The following KLF12 variants were observed in gnomAD, a reference collection of about 807,000 sequenced individuals.
KLF12 encodes KLF transcription factor 12, also known as Krueppel-like factor 12.
A neutral mutation model predicts 37.8 loss-of-function variants in KLF12; 9 were observed. The ratio of observed to expected loss-of-function variants is 0.24; its 90% CI spans 0.14 to 0.42. KLF12 has a LOEUF of 0.42. KLF12 is among the 10% of genes least tolerant of loss of function. The pLI, the probability that KLF12 is intolerant of heterozygous loss-of-function variation, is 1.00. For synonymous variants in KLF12, 208 were observed against 202.1 expected, an observed-to-expected ratio of 1.03 and a Z score of -0.25; for missense variants, 411 against 516.0, an observed-to-expected ratio of 0.80 and a Z score of 1.97.
At chr13:74,275,859 TTTCTTTCTATCTTTCTTTC>T in the KLF12 span, among the ~76,000 whole-genome samples, 203 of 123,144 alleles carry the variant, frequency 1.6e-3, 1 homozygote, top group Non-Finnish European at 2.5e-3. Flanking sequence ...TCTTTCTTTC[TTTCTTTCTATCTTTCTTTC>T]TTCTTTCTTT....
chr13:74,203,876 C>G, the KLF12 span, among the ~76,000 whole-genome samples: 1 of 152,002 alleles, frequency 6.6e-6, no homozygotes, highest in Admixed American at 6.6e-5. Context: ...ATGTGGTCCC[C>G]CAAGACTCTG....
At chr13:74,018,098 T>TA (rs1892746938) in intron 1 of KLF12, among the ~76,000 whole-genome samples, 2 of 151,130 alleles carry the variant, frequency 1.3e-5, no homozygotes, top group African/African-American at 2.4e-5. Flanking sequence ...TTTTTTTTTT[T>TA]ACTTAAAAAA....
chr13:74,137,157 T>A (rs572928219), upstream of KLF12, among the ~76,000 whole-genome samples: 1 of 152,280 alleles, frequency 6.6e-6, no homozygotes, highest in African/African-American at 2.4e-5. Context: ...TTGGCAAAGG[T>A]GCGGATTTTT....
At chr13:74,009,076 G>A (rs1566502502) in intron 1 of KLF12, among the ~76,000 whole-genome samples, 1 of 152,262 alleles carries the variant, frequency 6.6e-6, no homozygotes, top group East Asian at 1.9e-4. Context: ...ATGGATTTGT[G>A]GCCTTGAGGA....
the KLF12 span, among the ~76,000 whole-genome samples, chr13:74,276,592 C>A: frequency 1.3e-5 from 2 of 152,018 alleles, no homozygotes; most frequent in African/African-American, 4.8e-5. Context: ...TTTGAAGATA[C>A]CTTAATATTT....
intron 7 of KLF12, among the ~76,000 whole-genome samples, chr13:73,706,054 A>G (rs1874916164): frequency 6.6e-6 from 1 of 152,184 alleles, no homozygotes; most frequent in Non-Finnish European, 1.5e-5. Flanking sequence ...TGGGAGGCTG[A>G]GGCAGGAGAA....
chr13:74,204,585 C>G, the KLF12 span, among the ~76,000 whole-genome samples: 1 of 152,228 alleles, frequency 6.6e-6, no homozygotes, highest in Admixed American at 6.5e-5. Context: ...TTTTAGGAGT[C>G]TTGCCCAATT....
chr13:73,742,288 T>C (rs1878058372), intron 6 of KLF12, among the ~76,000 whole-genome samples: 1 of 152,210 alleles, frequency 6.6e-6, no homozygotes, highest in Admixed American at 6.5e-5. Flanking sequence ...CAGAAAATTG[T>C]AAGAACTGAA....
intron 6 of KLF12, among the ~76,000 whole-genome samples, chr13:73,746,358 T>C (rs1192939427): frequency 6.6e-6 from 1 of 152,206 alleles, no homozygotes; most frequent in Non-Finnish European, 1.5e-5. Flanking sequence ...AAGACCAACC[T>C]GTGACAAAGA....
chr13:74,119,724 C>G (rs1351180671), intron 1 of KLF12, among the ~76,000 whole-genome samples: 1 of 151,880 alleles, frequency 6.6e-6, no homozygotes, highest in Non-Finnish European at 1.5e-5. Flanking sequence ...ACCAAGTAGT[C>G]TAATGCGCTT....
At chr13:73,878,857 G>T (rs1449486279) in intron 3 of KLF12, among the ~76,000 whole-genome samples, 10 of 152,178 alleles carry the variant, frequency 6.6e-5, no homozygotes. Flanking sequence ...TGGGAGGCCA[G>T]GGGAGGTGTG....
intron 2 of KLF12, 84 bp downstream of exon 2, chr13:73,994,906 G>T: frequency 2.3e-6 from 2 of 856,678 alleles, no homozygotes; most frequent in Non-Finnish European, 2.0e-6. Context: ...ACACAAGAAG[G>T]TACTCTAATG....
intron 3 of KLF12, among the ~76,000 whole-genome samples, chr13:73,857,106 G>A (rs1180249900): frequency 1.3e-5 from 2 of 152,184 alleles, no homozygotes; most frequent in Admixed American, 6.5e-5. Context: ...CCCATGGAAT[G>A]ATCTCACAAT....
chr13:74,237,744 G>T, the KLF12 span, among the ~76,000 whole-genome samples: 4,849 of 142,684 alleles, frequency 0.034, no homozygotes, highest in African/African-American at 0.06. Context: ...CTCTCTGTTT[G>T]TCTGTTGGTG....
At chr13:73,717,102 T>G (rs529304516) in intron 6 of KLF12, among the ~76,000 whole-genome samples, 1 of 152,356 alleles carries the variant, frequency 6.6e-6, no homozygotes, top group South Asian at 2.1e-4. Flanking sequence ...ATTCTGCAAC[T>G]GTATCATGAA....
intron 5 of KLF12, among the ~76,000 whole-genome samples, chr13:73,770,901 G>A (rs1004824247): frequency 1.3e-5 from 2 of 152,136 alleles, no homozygotes; most frequent in Non-Finnish European, 2.9e-5. Context: ...AAGTTAAACT[G>A]TGCTAAAAAT....
chr13:74,129,732 T>C (rs1455277747), intron 1 of KLF12, among the ~76,000 whole-genome samples: 3 of 150,340 alleles, frequency 2.0e-5, no homozygotes, highest in Admixed American at 2.0e-4. Context: ...CAGAGCAGAA[T>C]TCTTTGGGTG....
At chr13:74,231,894 T>A in the KLF12 span, 40 of 152,202 alleles carry the variant, frequency 2.6e-4, no homozygotes, top group African/African-American at 9.4e-4. Context: ...GTTTTTATTA[T>A]CATGTTAGGT....
intron 1 of KLF12, among the ~76,000 whole-genome samples, chr13:74,099,766 C>T (rs1289777953): frequency 6.6e-6 from 1 of 152,128 alleles, no homozygotes; most frequent in African/African-American, 2.4e-5. Flanking sequence ...GAGGTGAAGA[C>T]CATGTCTATC....
Sources: allele counts gnomAD v4.1 joint callset (sites outside exome capture counted in the v4.1 genomes callset), GRCh38; gene constraint gnomAD v4.1.1; transcripts MANE v1.5; gene names NCBI Gene and HGNC (gene_info 2026-07-23, HGNC 2026-07-21).